DNAAF8: variants seen among roughly 807,000 people sequenced by gnomAD.
The protein encoded by DNAAF8 is dynein axonemal assembly factor 8.
In DNAAF8, 61 loss-of-function variants were observed where a neutral mutation model predicts 54.6. The ratio of observed to expected loss-of-function variants is 1.12; its 90% confidence interval spans 0.91 to 1.38. The LOEUF is 1.38. Among genes scored for constraint, DNAAF8 ranks in the 40% most tolerant of loss-of-function variants. DNAAF8 has a pLI of 0.00. For synonymous variants in DNAAF8, 320 were observed against 270.1 expected (o/e 1.18, Z -1.81); for missense variants, 837 against 665.0 (o/e 1.26, Z -2.85).
At chr16:4,740,798 C>T in intron 4 of DNAAF8, 139 bp downstream of exon 4, 6 of 1,148,206 alleles carry the variant, frequency 5.2e-6, no homozygotes, top group Non-Finnish European at 7.2e-6. Context: ...TTCTGTGTAC[C>T]TGTCTCAGTA....
chr16:4,743,287 C>T, intron 5 of DNAAF8, 127 bp downstream of exon 5: 1 of 645,092 alleles, frequency 1.6e-6, no homozygotes, highest in East Asian at 3.0e-5. Flanking sequence ...TCCCTGCTGG[C>T]CCCGCCCTAA....
intron 5 of DNAAF8, 130 bp from the exon 6 acceptor site, chr16:4,744,740 G>A (rs997209797): frequency 8.5e-7 from 1 of 1,176,380 alleles, no homozygotes; most frequent in East Asian, 2.5e-5. Context: ...GGAGAGGGCT[G>A]GGCGGGGGCA....
At chr16:4,741,639 AC>A (rs2081962370) in intron 4 of DNAAF8, among the ~76,000 whole-genome samples, 4 of 152,148 alleles carry the variant, frequency 2.6e-5, no homozygotes, top group Non-Finnish European at 5.9e-5. Context: ...GACTCTATTA[AC>A]AATACAAAAA....
chr16:4,736,601 T>G lies in DNAAF8; in HGVS notation c.87T>G (p.Ala29=). Residue 29 remains alanine (A), a synonymous_variant, in exon 2 of 10, where the codon GCT becomes GCG. Coordinates refer to ENST00000299320, the MANE Select transcript of DNAAF8 (RefSeq NM_139170.3). ...QMGPWDAILK[A]VKDQLPSLDS... ...GGCCCTGGGATGCCATCCTCAAGGCTGTCAAAGACCAGCTCCCGTCTCTGG... is the reference window on the plus strand; with the variant it reads ...GGCCCTGGGATGCCATCCTCAAGGCGGTCAAAGACCAGCTCCCGTCTCTGG... 1 of 1,589,614 alleles carries G rather than the reference T, an allele frequency of 6.3e-7. No homozygotes were observed. Among genetic ancestry groups the G allele is most frequent in the Non-Finnish European group, 8.6e-7 (1 of 1,165,858 alleles).
chr16:4,743,116 C>T lies in DNAAF8; in HGVS notation c.857C>T (p.Ala286Val), dbSNP rs1388164071. 2.5e-6 allele frequency: 4 copies of T among 1,612,146 alleles called. No individual in the cohort carries two copies. The highest frequency in any genetic ancestry group is 3.4e-6 in the Non-Finnish European group (4 of 1,179,088). ...AGQEDNQGNR[A>V]PGTVWWAADH... is the part of the protein sequence containing the mutation. ...CAAGAAGACAACCAGGGAAATCGTG[C>T]ACCTGGAACTGTGTGGTGGGCAGCT... The change falls in exon 5 of 10, where the codon GCA (alanine) becomes GTA (valine). Residue 286 changes from alanine to valine, a missense_variant. Ala to Val is a moderately conservative substitution (Grantham distance 64). Transcript: ENST00000299320.
At chr16:4,746,710 T>A in intron 7 of DNAAF8, 198 bp downstream of exon 7, 1 of 830,200 alleles carries the variant, frequency 1.2e-6, no homozygotes, top group Non-Finnish European at 1.8e-6. Context: ...GCACACCTCC[T>A]CGGGCTGGGC....
At chr16:4,740,790 C>G in intron 4 of DNAAF8, 131 bp downstream of exon 4, 1 of 1,176,054 alleles carries the variant, frequency 8.5e-7, no homozygotes, top group South Asian at 1.6e-5. Flanking sequence ...ATCCACCATT[C>G]TGTGTACCTG....
intron 4 of DNAAF8, among the ~76,000 whole-genome samples, chr16:4,741,187 T>C (rs1409334281): frequency 6.3e-5 from 9 of 142,216 alleles, no homozygotes; most frequent in East Asian, 2.0e-4. Context: ...TGAGCCGATA[T>C]CGCACCACTA....
At chr16:4,747,655 G>A in intron 9 of DNAAF8, 21 bp downstream of exon 9, 1 of 1,574,478 alleles carries the variant, frequency 6.4e-7, no homozygotes. Flanking sequence ...CCCAGGAGTG[G>A]GCAGGGGCGG....
chr16:4,737,899 G>C lies in DNAAF8; in HGVS notation c.229G>C (p.Asp77His). The C allele has an allele frequency of 6.2e-7, 1 of 1,614,182 alleles. No individual in the cohort carries two copies. The highest frequency in any genetic ancestry group is 1.3e-5 in the African/African-American group (1 of 75,044). The change falls in exon 3 of 10, where the codon GAC (aspartate) becomes CAC (histidine). Residue 77 changes from aspartate (D) to histidine (H), a missense_variant. Transcript: ENST00000299320. ...EELAEDPADG[D>H]KSRAWVAAAE... The stretch of plus-strand genomic sequence containing the variant: ...GCTGGCTGAAGATCCTGCCGATGGC[G>C]ACAAGTCCAGGGCCTGGGTCGCTGC...
chr16:4,741,265 C>T (rs72770382), intron 4 of DNAAF8, among the ~76,000 whole-genome samples: 1 of 33,024 alleles, frequency 3.0e-5, no homozygotes, highest in African/African-American at 7.5e-5. Flanking sequence ...AAGAAAGAAA[C>T]AAAGAAAGAA....
chr16:4,747,910 C>T (rs374815192), intron 9 of DNAAF8, among the ~76,000 whole-genome samples: 12 of 152,244 alleles, frequency 7.9e-5, no homozygotes, highest in African/African-American at 2.4e-4. Context: ...AGCAGGAGGA[C>T]GGGGTGCTGC....
chr16:4,746,051 G>A (rs2082013148), intron 6 of DNAAF8: 1 of 236,960 alleles, frequency 4.2e-6, no homozygotes. Flanking sequence ...CACCTAACGT[G>A]GTGAATGTGA....
At position 4,747,395 on chromosome 16, in the gene DNAAF8, G is replaced by C; in HGVS notation, c.1333G>C (p.Gly445Arg). ...LLQQLRAFQK[G>R]TAQPELPASK... ...CCAGCAGCTCAGGGCCTTTCAGAAGGGGACAGCCCAGCCCGAGCTGCCTGC... is the reference window on the plus strand; with the variant it reads ...CCAGCAGCTCAGGGCCTTTCAGAAGCGGACAGCCCAGCCCGAGCTGCCTGC... Residue 445 changes from glycine to arginine, a missense_variant, in exon 9 of 10, where the codon GGG becomes CGG. Transcript: ENST00000299320. The C allele has an allele frequency of 6.2e-7, 1 of 1,610,766 alleles. No homozygotes were observed. Among genetic ancestry groups the C allele is most frequent in the East Asian group, 2.2e-5 (1 of 44,826 alleles).
chr16:4,747,550 G>A lies in DNAAF8; in HGVS notation c.1488G>A (p.Arg496=), dbSNP rs750677403. 11 of 1,612,498 alleles carry A rather than the reference G, an allele frequency of 6.8e-6. No homozygotes were observed. The highest frequency in any genetic ancestry group is 2.2e-5 in the East Asian group (1 of 44,864). ...QSAQARLPRG[R]PRALGDVPEP... Reference sequence around the variant, plus strand: ...CCCAGGCTCGACTCCCAAGAGGCAGGCCCAGAGCCCTGGGGGATGTTCCTG... The same window carrying A: ...CCCAGGCTCGACTCCCAAGAGGCAGACCCAGAGCCCTGGGGGATGTTCCTG... Residue 496 remains arginine, a synonymous_variant, in exon 9 of 10, where the codon AGG becomes AGA. Coordinates refer to ENST00000299320, the MANE Select transcript of DNAAF8 (RefSeq NM_139170.3).
In DNAAF8 at chr16:4,740,129, T is replaced by TA. The variant is rs753755250; in HGVS notation, c.277-24_277-23insA. ...GAAGCATGTTTTTGAGGATGCTAAC[T>TA]GAACATACCTGTTTTCTTGACAGCC... On this transcript the variant is annotated intron_variant, in intron 3 of 9. Coordinates refer to ENST00000299320, the MANE Select transcript of DNAAF8 (RefSeq NM_139170.3). 13 of 1,554,648 alleles carry TA rather than the reference T, an allele frequency of 8.4e-6. No homozygotes were observed. The South Asian group carries it at 1.2e-4, about 14-fold the overall frequency.
At chr16:4,739,270 T>TTTTTTTTTTTG (rs2081933329) in intron 3 of DNAAF8, among the ~76,000 whole-genome samples, 5 of 133,070 alleles carry the variant, frequency 3.8e-5, no homozygotes, top group Non-Finnish European at 8.2e-5. Context: ...TTCTTGTTTT[T>TTTTTTTTTTTG]TTTTTTTTTT....
rs555209649 is a variant in DNAAF8, at chr16:4,748,775, C to T, written c.*60C>T. 1 of 152,460 alleles carries T rather than the reference C, an allele frequency of 6.6e-6. No individual in the cohort carries two copies. The highest frequency in any genetic ancestry group is 2.1e-4 in the South Asian group (1 of 4,830). 9.4% of individuals were successfully genotyped at this position (152,460 alleles called of 1,614,324 possible). ...GGAAGAGCAGAGAAATCATCACCAC[C>T]TTGGGCCCCACGGTGCCACGGGCTC... On this transcript the variant is annotated 3_prime_UTR_variant, in exon 10 of 10. Transcript: ENST00000299320.
intron 4 of DNAAF8, among the ~76,000 whole-genome samples, chr16:4,741,923 C>A (rs1416355841): frequency 6.6e-6 from 1 of 152,206 alleles, no homozygotes; most frequent in African/African-American, 2.4e-5. Context: ...CGGTTTTACA[C>A]ATTTTGGATA....
Sources: allele counts gnomAD v4.1 joint callset (sites outside exome capture counted in the v4.1 genomes callset), GRCh38; gene constraint gnomAD v4.1.1; transcripts MANE v1.5; gene names NCBI Gene and HGNC (gene_info 2026-07-23, HGNC 2026-07-21).